Variants in FAR2 observed in about 807,000 individuals in gnomAD.
FAR2 encodes fatty acyl-CoA reductase 2, also known as epididymis secretory protein Li 81.
Under a neutral mutation model 56.0 loss-of-function variants are expected in FAR2, and 19 were observed. The ratio of observed to expected loss-of-function variants is 0.34; its 90% CI spans 0.24 to 0.50. The LOEUF is 0.50. FAR2 is among the 20% of genes least tolerant of loss of function. FAR2 has a pLI of 0.98. For synonymous variants in FAR2, 219 were observed against 218.8 expected (o/e 1.00, Z -0.01); for missense variants, 508 against 642.2 (o/e 0.79, Z 2.26).
chr12:29,178,368 C>T (rs2136594776), intron 1 of FAR2, among the ~76,000 whole-genome samples: 1 of 152,234 alleles, frequency 6.6e-6, no homozygotes, highest in South Asian at 2.1e-4. Flanking sequence ...CTGAGGTGGG[C>T]AGATTGCTTG....
chr12:29,215,062 G>T (rs533940084), intron 1 of FAR2, among the ~76,000 whole-genome samples: 1 of 152,212 alleles, frequency 6.6e-6, no homozygotes, highest in South Asian at 2.1e-4. Flanking sequence ...AATCTCTGAG[G>T]CAGAAATGAC....
chr12:29,287,414 A>G (rs547564826), intron 2 of FAR2, among the ~76,000 whole-genome samples: 6 of 152,328 alleles, frequency 3.9e-5, no homozygotes, highest in Admixed American at 1.3e-4. Flanking sequence ...TAATCTGTAC[A>G]TTGGGTATAA....
Position 29,332,655 on chromosome 12 carries a change from T to C in FAR2, c.1313T>C (p.Val438Ala). The C allele has an allele frequency of 6.2e-7, 1 of 1,613,800 alleles. No homozygotes were observed. The highest frequency in any genetic ancestry group is 8.5e-7 in the Non-Finnish European group (1 of 1,179,818). The change falls in exon 11 of 12, where the codon GTT becomes GCT. Residue 438 changes from valine to alanine, a missense_variant. Transcript: ENST00000536681. ...TGGTTGGAATACATTGAAAATTATG[T>C]TTTGGGAGTTAAAAAATACTTATTG... ...LNWLEYIENY[V>A]LGVKKYLLKE... is the part of the protein sequence containing the mutation.
intron 10 of FAR2, among the ~76,000 whole-genome samples, chr12:29,326,459 T>A (rs1031241557): frequency 6.6e-6 from 1 of 152,098 alleles, no homozygotes; most frequent in African/African-American, 2.4e-5. Context: ...AAAAAGAGAA[T>A]TTTAGACCAA....
At chr12:29,323,296 G>A (rs180747358) in intron 10 of FAR2, among the ~76,000 whole-genome samples, 595 of 152,348 alleles carry the variant, frequency 3.9e-3, no homozygotes, top group Non-Finnish European at 5.4e-3. Context: ...AGGCCCGCCT[G>A]CCTCTGTAGG....
chr12:29,154,930 C>T (rs1029902690), intron 1 of FAR2, among the ~76,000 whole-genome samples: 4 of 152,196 alleles, frequency 2.6e-5, no homozygotes, highest in African/African-American at 4.8e-5. Flanking sequence ...AACCTTTTAA[C>T]ATCTACAGTT....
At chr12:29,196,753 A>G (rs1281542195) in intron 1 of FAR2, among the ~76,000 whole-genome samples, 2 of 152,220 alleles carry the variant, frequency 1.3e-5, no homozygotes, top group Admixed American at 1.3e-4. Context: ...GAAAACAAAA[A>G]TAGACAAATT....
intron 1 of FAR2, among the ~76,000 whole-genome samples, chr12:29,179,611 C>T (rs955600837): frequency 6.6e-6 from 1 of 152,174 alleles, no homozygotes; most frequent in African/African-American, 2.4e-5. Flanking sequence ...AGAGAGACAC[C>T]TACCTACTCC....
intron 4 of FAR2, among the ~76,000 whole-genome samples, chr12:29,302,540 A>AAGTT (rs1949192513): frequency 6.6e-6 from 1 of 151,666 alleles, no homozygotes. Flanking sequence ...TGTAGGGAAG[A>AAGTT]AGTTAGAGAT....
chr12:29,275,279 G>A (rs1371510786), intron 2 of FAR2, among the ~76,000 whole-genome samples: 1 of 151,918 alleles, frequency 6.6e-6, no homozygotes, highest in Non-Finnish European at 1.5e-5. Flanking sequence ...CAATGGGGGA[G>A]CTTTTGAGCC....
chr12:29,189,560 T>A (rs1950081797), intron 1 of FAR2, among the ~76,000 whole-genome samples: 1 of 152,214 alleles, frequency 6.6e-6, no homozygotes, highest in African/African-American at 2.4e-5. Context: ...TTCTAATTGC[T>A]AGCAAGGTGT....
At chr12:29,317,668 A>C (rs1002145260) in intron 9 of FAR2, 49 of 152,664 alleles carry the variant, frequency 3.2e-4, no homozygotes, top group Non-Finnish European at 1.0e-4. Flanking sequence ...GAATAGGTAG[A>C]TAATCTTAAA....
chr12:29,175,187 C>T (rs1027070788), intron 1 of FAR2, among the ~76,000 whole-genome samples: 15 of 152,176 alleles, frequency 9.9e-5, no homozygotes, highest in African/African-American at 3.1e-4. Context: ...CCCCACTTGG[C>T]GATAGCTGAT....
At chr12:29,219,406 G>A (rs1461524018) in intron 1 of FAR2, among the ~76,000 whole-genome samples, 1 of 152,134 alleles carries the variant, frequency 6.6e-6, no homozygotes, top group Non-Finnish European at 1.5e-5. Flanking sequence ...CATAACATAG[G>A]TGGTATTTAT....
At chr12:29,184,547 G>A (rs1163540424) in intron 1 of FAR2, among the ~76,000 whole-genome samples, 1 of 142,566 alleles carries the variant, frequency 7.0e-6, no homozygotes, top group Non-Finnish European at 1.5e-5. Flanking sequence ...TGATTCTCCT[G>A]CCTCAACCTC....
intron 1 of FAR2, among the ~76,000 whole-genome samples, chr12:29,198,696 A>G (rs1947366579): frequency 6.6e-6 from 1 of 152,148 alleles, no homozygotes; most frequent in South Asian, 2.1e-4. Context: ...ATCTCTGTGA[A>G]ACAATGCTAC....
At chr12:29,189,284 GTAA>G (rs1950077917) in intron 1 of FAR2, among the ~76,000 whole-genome samples, 1 of 152,134 alleles carries the variant, frequency 6.6e-6, no homozygotes. Context: ...CATACTTTGT[GTAA>G]TAATCCAAAT....
At chr12:29,215,130 G>C (rs1192905339) in intron 1 of FAR2, among the ~76,000 whole-genome samples, 1 of 152,188 alleles carries the variant, frequency 6.6e-6, no homozygotes, top group Non-Finnish European at 1.5e-5. Context: ...AGTCATGAGA[G>C]AGAAATGGAT....
chr12:29,319,885 A>G (rs1949523691), intron 9 of FAR2, among the ~76,000 whole-genome samples: 1 of 152,172 alleles, frequency 6.6e-6, no homozygotes, highest in Admixed American at 6.5e-5. Flanking sequence ...GTTTTCCTTC[A>G]GCTTTTGCAT....
Sources: allele counts gnomAD v4.1 joint callset (sites outside exome capture counted in the v4.1 genomes callset), GRCh38; gene constraint gnomAD v4.1.1; transcripts MANE v1.5; gene names NCBI Gene and HGNC (gene_info 2026-07-23, HGNC 2026-07-21).